Variants in SNED1 observed in about 807,000 individuals in gnomAD.
SNED1 encodes sushi, nidogen and EGF-like domain-containing protein 1.
In SNED1, 81 loss-of-function variants were observed where a neutral mutation model predicts 166.7. That is an observed-to-expected ratio of 0.49 (90% CI 0.41 to 0.58). The LOEUF (loss-of-function observed/expected upper bound fraction) is 0.58. Among genes scored for constraint, SNED1 ranks in the 20% least tolerant of loss-of-function variants. The pLI is 0.00. For missense variants in SNED1, 1,604 were observed against 2,000.2 expected (o/e 0.80, Z 3.78); for synonymous variants, 762 against 822.0 (o/e 0.93, Z 1.25).
intron 27 of SNED1, among the ~76,000 whole-genome samples, chr2:241,077,608 TG>T (rs530879814): frequency 2.0e-3 from 298 of 152,172 alleles, no homozygotes; most frequent in African/African-American, 6.8e-3. Context: ...AAATCATACC[TG>T]ATCAGAGACC....
chr2:241,052,586 G>C, intron 15 of SNED1, 118 bp downstream of exon 15: 1 of 812,976 alleles, frequency 1.2e-6, no homozygotes, highest in Non-Finnish European at 2.0e-6. Context: ...AGAGGGCCAG[G>C]GGGCCAAGCA....
chr2:241,071,626 C>T lies in SNED1; in HGVS notation c.3640C>T (p.Arg1214Trp), dbSNP rs781308225. ...RRWHQGGHHPRVLKNRPPPAR... is the reference protein window; with the variant it reads ...RRWHQGGHHPWVLKNRPPPAR... ...CTGGCACCAGGGAGGACACCACCCT[C>T]GGGTGCTCAAGAACAGACCGCCCCC... Residue 1214 changes from arginine (R) to tryptophan (W), a missense_variant, in exon 25 of 32, where the codon CGG becomes TGG. Physicochemically the swap from Arg to Trp is moderately radical, Grantham distance 101. This residue lies in a region of SNED1 where 367 missense variants were observed against 379.4 expected (regional missense o/e 0.97). Transcript: ENST00000310397. The T allele has an allele frequency of 5.0e-6, 8 of 1,586,508 alleles. No homozygotes were observed. The highest frequency in any genetic ancestry group is 4.0e-5 in the African/African-American group (3 of 74,746).
intron 28 of SNED1, among the ~76,000 whole-genome samples, chr2:241,082,067 CAGG>C (rs1419611662): frequency 7.2e-5 from 11 of 152,312 alleles, no homozygotes; most frequent in African/African-American, 1.2e-4. Context: ...AGAGCGGTGT[CAGG>C]AGAAGGGACT....
intron 1 of SNED1, among the ~76,000 whole-genome samples, chr2:241,014,561 C>G (rs946912392): frequency 4.6e-5 from 7 of 152,170 alleles, no homozygotes; most frequent in Non-Finnish European, 1.0e-4. Flanking sequence ...TGGATTTCAT[C>G]TTTTGTGGAG....
At position 241,051,947 on chromosome 2, in the gene SNED1, G is replaced by A; in HGVS notation, c.1852+87G>A. ...CTGATGCACCCTCCCTGCCAGCTGT[G>A]GGTCTGCTTCTCATGAAGAGGCCCC... On this transcript the variant is annotated intron_variant, in intron 13 of 31. Coordinates refer to ENST00000310397, the MANE Select transcript of SNED1 (RefSeq NM_001080437.3). This position sits in a 1 kb window ranked among gnomAD's most constrained non-coding sequence, Gnocchi z 4.7. 1 of 1,479,004 alleles carries A rather than the reference G, an allele frequency of 6.8e-7. No individual in the cohort carries two copies. The highest frequency in any genetic ancestry group is 9.3e-7 in the Non-Finnish European group (1 of 1,079,980). The allele number at this position is 1,479,004 out of a possible 1,614,324, so 91.6% of individuals were successfully genotyped here. A position where few individuals can be genotyped will look rare whatever the true frequency, so the allele number is the denominator to read the frequency against.
intron 1 of SNED1, among the ~76,000 whole-genome samples, chr2:241,012,773 T>C (rs2060450911): frequency 6.6e-6 from 1 of 152,058 alleles, no homozygotes; most frequent in Non-Finnish European, 1.5e-5. Flanking sequence ...ACACTTAAGA[T>C]TACTCTCTTA....
intron 1 of SNED1, among the ~76,000 whole-genome samples, chr2:241,029,616 G>T (rs7562180): frequency 0.3 from 46,099 of 152,242 alleles, 7,374 homozygotes; most frequent in Non-Finnish European, 0.37. Flanking sequence ...GTCGGCAGCT[G>T]AACTGTGTCA....
chr2:241,085,923 G>A (rs2063553848), intron 29 of SNED1, among the ~76,000 whole-genome samples: 1 of 140,748 alleles, frequency 7.1e-6, no homozygotes, highest in South Asian at 2.2e-4. Context: ...CTGGAGTGCA[G>A]TGGAGCGATC....
At chr2:241,026,110 G>A (rs984473073) in intron 1 of SNED1, among the ~76,000 whole-genome samples, 1 of 135,738 alleles carries the variant, frequency 7.4e-6, no homozygotes, top group Non-Finnish European at 1.5e-5. Context: ...CCGCCTCCCG[G>A]GTTCAAGCAA....
Position 241,013,110 on chromosome 2 carries a change from A to G in SNED1, c.213+14060A>G, listed in dbSNP as rs1376155142. Reference sequence around the variant, plus strand: ...CAGCCTCCCAAAGTGATGGGATTACAGGCGTGAGCCACCGCGCCCGGCCAC... The same window carrying G: ...CAGCCTCCCAAAGTGATGGGATTACGGGCGTGAGCCACCGCGCCCGGCCAC... On this transcript the variant is annotated intron_variant, in intron 1 of 31. Transcript: ENST00000310397. This position sits in a 1 kb window ranked among gnomAD's most constrained non-coding sequence, Gnocchi z 4.6. Among the ~76,000 whole-genome samples, 2 of 151,900 alleles carry G rather than the reference A, an allele frequency of 1.3e-5. No homozygotes were observed.
intron 16 of SNED1, among the ~76,000 whole-genome samples, chr2:241,053,585 C>T (rs761440041): frequency 3.3e-4 from 50 of 152,304 alleles, no homozygotes; most frequent in Non-Finnish European, 6.2e-4. Context: ...GGTCAAACAC[C>T]CAAATACCCA....
intron 1 of SNED1, among the ~76,000 whole-genome samples, chr2:241,022,629 A>T (rs1255871328): frequency 2.0e-5 from 3 of 152,134 alleles, no homozygotes; most frequent in African/African-American, 7.2e-5. Context: ...ACACCACTGC[A>T]AACACTTACC....
rs1386814350 is a variant in SNED1 at position 241,078,675 on chromosome 2, C to G, written c.3917-3002C>G. Among the ~76,000 whole-genome samples, 3 of 151,806 alleles carry G rather than the reference C, an allele frequency of 2.0e-5. 1 individual carries two copies. The highest frequency in any genetic ancestry group is 4.4e-5 in the Non-Finnish European group (3 of 68,010). On this transcript the variant is annotated intron_variant, in intron 27 of 31. Transcript: ENST00000310397. ...GGAAGGCAGTAACAGCTAAAAGGTA[C>G]AAGGTTTCTTTCTGAGGTCACGAAA...
At chr2:241,088,784 C>T (rs141007131) in intron 31 of SNED1, 184 of 258,718 alleles carry the variant, frequency 7.1e-4, no homozygotes, top group African/African-American at 3.6e-3. Flanking sequence ...GGAGGGGCCA[C>T]GGGCAGCGGG....
rs778353760 is a variant in SNED1 at position 241,052,025 on chromosome 2, T to G, written c.1853-16T>G. The G allele has an allele frequency of 1.2e-6, 2 of 1,611,210 alleles. No individual in the cohort carries two copies. Among genetic ancestry groups the G allele is most frequent in the Non-Finnish European group, 1.7e-6 (2 of 1,177,784 alleles). On this transcript the variant is annotated splice_polypyrimidine_tract_variant and intron_variant, in intron 13 of 31. Transcript: ENST00000310397. ...GGGGCAGTGGGCTGTGACCCTGACC[T>G]GGCTTCTGTTTCCAGGGAAGCCAGA...
intron 1 of SNED1, among the ~76,000 whole-genome samples, chr2:241,029,076 A>G (rs1242273762): frequency 3.3e-5 from 5 of 152,198 alleles, no homozygotes; most frequent in African/African-American, 1.2e-4. Context: ...CCAAAGGGGA[A>G]GTCCAGAGGG....
chr2:241,048,262 C>T lies in SNED1; in HGVS notation c.1274-53C>T, dbSNP rs561477933. The T allele has an allele frequency of 2.4e-5, 36 of 1,520,650 alleles. No individual in the cohort carries two copies. The African/African-American group carries it at 4.6e-4, about 19-fold the overall frequency. The allele number at this position is 1,520,650 out of a possible 1,614,324, so 94.2% of individuals were successfully genotyped here. A position where few individuals can be genotyped will look rare whatever the true frequency, so the allele number is the denominator to read the frequency against. ...TGCCATTGGAGCTGGGCGGGGAGAC[C>T]ACTCTCCCCACATTCCCTGCGTGGC... On this transcript the variant is annotated intron_variant, in intron 8 of 31. Transcript: ENST00000310397.
upstream of SNED1, among the ~76,000 whole-genome samples, chr2:240,998,375 C>T (rs1027715856): frequency 6.6e-6 from 1 of 152,216 alleles, no homozygotes; most frequent in Admixed American, 6.5e-5. Flanking sequence ...TGTCCCAGGA[C>T]GGCACTGAGG....
In SNED1 at chr2:241,033,882, G is replaced by A. The variant is rs541535446; in HGVS notation, c.642+7G>A. The A allele has an allele frequency of 3.4e-5, 54 of 1,591,314 alleles. No homozygotes were observed. Among genetic ancestry groups the A allele is most frequent in the South Asian group, 1.9e-4 (17 of 87,210 alleles). On this transcript the variant is annotated splice_region_variant and intron_variant, in intron 3 of 31. Transcript: ENST00000310397. ...CGGGGGCATCGCAGCCCAGGTAGGC[G>A]AGTGCAGTCGGTGCTCTGTGTTCAG...
Sources: gnomAD v4.1 joint callset for allele counts (sites outside exome capture counted in the v4.1 genomes callset) on GRCh38, gnomAD v4.1.1 for gene constraint, gnomAD v4.1.1 regional missense constraint, Gnocchi (gnomAD v3.1) non-coding constraint, MANE v1.5 for transcripts, NCBI Gene and HGNC (gene_info 2026-07-23, HGNC 2026-07-21) for gene names.